The following LRRC20 variants were observed in gnomAD, a reference collection of about 807,000 sequenced individuals.
The protein encoded by LRRC20 is leucine-rich repeat-containing protein 20.
LRRC20 carries 11 observed loss-of-function variants against 14.4 expected under a neutral mutation model. The observed-to-expected ratio is 0.77, with a 90% confidence interval of 0.48 to 1.27. The LOEUF is 1.27. Ranked by LOEUF, LRRC20 falls within the 50% of genes most tolerant of loss-of-function variation. The pLI is 0.00. For synonymous variants in LRRC20, 121 were observed against 107.3 expected, an observed-to-expected ratio of 1.13 and a Z score of -0.79; for missense variants, 219 against 251.2, an observed-to-expected ratio of 0.87 and a Z score of 0.87.
At chr10:70,320,438 T>C (rs1017660397) in intron 4 of LRRC20, among the ~76,000 whole-genome samples, 4 of 152,210 alleles carry the variant, frequency 2.6e-5, no homozygotes, top group Non-Finnish European at 5.9e-5. Flanking sequence ...CATTTTCTAT[T>C]TTACTGCATT....
chr10:70,311,010 T>A (rs1425447071), intron 4 of LRRC20, among the ~76,000 whole-genome samples: 1 of 152,252 alleles, frequency 6.6e-6, no homozygotes, highest in East Asian at 1.9e-4. Flanking sequence ...AATGTGTTTG[T>A]GTATGTGTGT....
chr10:70,321,277 GAACT>G (rs2136938471), intron 4 of LRRC20, among the ~76,000 whole-genome samples: 1 of 152,336 alleles, frequency 6.6e-6, no homozygotes, highest in East Asian at 1.9e-4. Context: ...GAAGAGTGCA[GAACT>G]ATTTCCATAA....
chr10:70,320,291 C>A (rs946526478), intron 4 of LRRC20, among the ~76,000 whole-genome samples: 1 of 126,032 alleles, frequency 7.9e-6, no homozygotes, highest in South Asian at 2.5e-4. Context: ...TTCATCATGT[C>A]CCAGGAGATA....
intron 2 of LRRC20, among the ~76,000 whole-genome samples, chr10:70,371,810 G>A (rs1031436359): frequency 3.2e-4 from 48 of 152,226 alleles, no homozygotes; most frequent in African/African-American, 1.1e-3. Context: ...AAATGGAAAG[G>A]AGCCCACGTC....
At chr10:70,371,469 G>C (rs549291897) in intron 2 of LRRC20, among the ~76,000 whole-genome samples, 18 of 152,106 alleles carry the variant, frequency 1.2e-4, no homozygotes, top group African/African-American at 4.3e-4. Flanking sequence ...TCTGTGTCAC[G>C]ATTATTCTTT....
intron 2 of LRRC20, among the ~76,000 whole-genome samples, chr10:70,360,383 C>T (rs1303336169): frequency 6.6e-6 from 1 of 151,614 alleles, no homozygotes; most frequent in Admixed American, 6.6e-5. Context: ...TCCTCCTCCT[C>T]CCCATCTCCC....
intron 4 of LRRC20, 131 bp downstream of exon 4, chr10:70,323,732 G>A: frequency 9.8e-7 from 1 of 1,024,512 alleles, no homozygotes; most frequent in Non-Finnish European, 1.4e-6. Flanking sequence ...CAGGCCCCAT[G>A]TCCTTTGCTC....
intron 1 of LRRC20, among the ~76,000 whole-genome samples, chr10:70,380,198 A>G (rs1844655002): frequency 6.6e-6 from 1 of 152,196 alleles, no homozygotes; most frequent in Non-Finnish European, 1.5e-5. Context: ...GTACACAGGT[A>G]CAGGAACAGA....
At chr10:70,341,351 T>C (rs971616155) in intron 2 of LRRC20, among the ~76,000 whole-genome samples, 6 of 152,220 alleles carry the variant, frequency 3.9e-5, no homozygotes, top group African/African-American at 1.4e-4. Context: ...TGGATGTTCA[T>C]GGCAGCGTTA....
chr10:70,329,630 C>T (rs151266546), intron 3 of LRRC20, among the ~76,000 whole-genome samples: 197 of 149,148 alleles, frequency 1.3e-3, no homozygotes, highest in African/African-American at 4.3e-3. Context: ...GGCACGATCT[C>T]GGCTCACTGC....
chr10:70,308,710 C>T (rs1841523647), intron 4 of LRRC20, among the ~76,000 whole-genome samples: 1 of 152,082 alleles, frequency 6.6e-6, no homozygotes, highest in Non-Finnish European at 1.5e-5. Context: ...GGCCAGGAGT[C>T]CATGGCAAAT....
chr10:70,343,210 C>T (rs1484406727), intron 2 of LRRC20, among the ~76,000 whole-genome samples: 1 of 152,156 alleles, frequency 6.6e-6, no homozygotes, highest in African/African-American at 2.4e-5. Context: ...AAGACCTCTT[C>T]ACCCTGTGTT....
At chr10:70,381,580 G>A (rs970913252) in intron 1 of LRRC20, 4 of 152,294 alleles carry the variant, frequency 2.6e-5, no homozygotes, top group East Asian at 1.9e-4. Flanking sequence ...TTTAGTTACT[G>A]GTGTTGTCAG....
At chr10:70,331,633 C>G (rs931582762) in intron 3 of LRRC20, among the ~76,000 whole-genome samples, 4 of 152,144 alleles carry the variant, frequency 2.6e-5, no homozygotes, top group Non-Finnish European at 4.4e-5. Flanking sequence ...CTTCTGGTCC[C>G]AGAAGACTGC....
chr10:70,301,034 A>G lies in LRRC20; in HGVS notation c.*320T>C. On this transcript the variant is annotated 3_prime_UTR_variant, in exon 5 of 5. Coordinates refer to ENST00000446961, the MANE Select transcript of LRRC20 (RefSeq NM_001278212.2). ...AGGCACGTACTGCTTAAAAACCTCCAGGGAGCCCAAAGGAGGGAAAGGGTC... is the reference window on the plus strand; with the variant it reads ...AGGCACGTACTGCTTAAAAACCTCCGGGGAGCCCAAAGGAGGGAAAGGGTC... 7 of 1,113,976 alleles carry G rather than the reference A, an allele frequency of 6.3e-6. No individual in the cohort carries two copies. The highest frequency in any genetic ancestry group is 7.7e-6 in the Non-Finnish European group (7 of 912,646). The allele number at this position is 1,113,976 out of a possible 1,614,324, so 69.0% of individuals were successfully genotyped here.
chr10:70,322,638 C>A (rs1014207239), intron 4 of LRRC20, among the ~76,000 whole-genome samples: 1 of 152,148 alleles, frequency 6.6e-6, no homozygotes, highest in Non-Finnish European at 1.5e-5. Flanking sequence ...GAGCATAAGA[C>A]TGAACCACAG....
chr10:70,304,470 T>TTATCTATATATATATATATATATATA (rs1293891046), intron 4 of LRRC20, among the ~76,000 whole-genome samples: 1 of 113,826 alleles, frequency 8.8e-6, no homozygotes, highest in African/African-American at 3.0e-5. Flanking sequence ...GGCCACTTCT[T>TTATCTATATATATATATATATATATA]TATATATATA....
At chr10:70,329,419 G>A (rs1400630868) in intron 3 of LRRC20, among the ~76,000 whole-genome samples, 2 of 152,184 alleles carry the variant, frequency 1.3e-5, no homozygotes, top group Non-Finnish European at 2.9e-5. Context: ...TCATCATCAA[G>A]TCTGATGTTA....
intron 4 of LRRC20, among the ~76,000 whole-genome samples, chr10:70,305,004 G>A (rs1410255770): frequency 6.6e-6 from 1 of 152,198 alleles, no homozygotes; most frequent in East Asian, 1.9e-4. Context: ...GACCAACACA[G>A]TGAAACCCTG....
Sources: allele counts gnomAD v4.1 joint callset (sites outside exome capture counted in the v4.1 genomes callset), GRCh38; gene constraint gnomAD v4.1.1; transcripts MANE v1.5; gene names NCBI Gene and HGNC (gene_info 2026-07-23, HGNC 2026-07-21).